UBE2E2: variants seen among roughly 807,000 people sequenced by gnomAD.
UBE2E2 encodes ubiquitin conjugating enzyme E2 E2, also known as ubiquitin-conjugating enzyme E2 E2.
Under a neutral mutation model 24.7 loss-of-function variants are expected in UBE2E2, and 6 were observed. The observed-to-expected ratio is 0.24, with a 90% CI of 0.13 to 0.48. The LOEUF is 0.48. Ranked by LOEUF, UBE2E2 falls within the 20% of genes least tolerant of loss-of-function variation. The pLI is 0.99. For synonymous variants in UBE2E2, 104 were observed against 83.6 expected (o/e 1.24, Z -1.33); for missense variants, 169 against 245.0 (o/e 0.69, Z 2.07).
chr3:23,441,840 T>C (rs1575632066), intron 3 of UBE2E2, among the ~76,000 whole-genome samples: 1 of 152,180 alleles, frequency 6.6e-6, no homozygotes, highest in Non-Finnish European at 1.5e-5. Flanking sequence ...CCAAAAGCAG[T>C]GTCAGAAAAT....
intron 3 of UBE2E2, among the ~76,000 whole-genome samples, chr3:23,328,662 C>CTTTTTTTTTTTTTTTTTTTTTT (rs11433089): frequency 6.9e-6 from 1 of 145,430 alleles, no homozygotes; most frequent in Non-Finnish European, 1.5e-5. Flanking sequence ...CTCTCTCTCT[C>CTTTTTTTTTTTTTTTTTTTTTT]TTTTTTTTTT....
chr3:23,449,031 T>C (rs1698495165), intron 3 of UBE2E2, among the ~76,000 whole-genome samples: 1 of 152,222 alleles, frequency 6.6e-6, no homozygotes, highest in Non-Finnish European at 1.5e-5. Flanking sequence ...AATTGCCCTC[T>C]TACCTAACAG....
intron 3 of UBE2E2, among the ~76,000 whole-genome samples, chr3:23,342,720 T>A (rs1695430790): frequency 6.6e-6 from 1 of 152,208 alleles, no homozygotes; most frequent in African/African-American, 2.4e-5. Context: ...GGAAATACTA[T>A]GGAATATAAA....
chr3:23,552,229 C>T (rs1474760679), intron 5 of UBE2E2, among the ~76,000 whole-genome samples: 1 of 152,200 alleles, frequency 6.6e-6, no homozygotes, highest in Non-Finnish European at 1.5e-5. Context: ...TGGCACCCCC[C>T]TGTAGTCCTA....
At chr3:23,267,480 A>T (rs941916059) in intron 3 of UBE2E2, among the ~76,000 whole-genome samples, 1 of 152,232 alleles carries the variant, frequency 6.6e-6, no homozygotes, top group Non-Finnish European at 1.5e-5. Context: ...TCCTCGACAC[A>T]TACACCATCC....
intron 3 of UBE2E2, among the ~76,000 whole-genome samples, chr3:23,261,446 T>C (rs1178338432): frequency 6.6e-6 from 1 of 152,160 alleles, no homozygotes; most frequent in African/African-American, 2.4e-5. Flanking sequence ...CTTACGTAGT[T>C]ACCAATTTTT....
intron 3 of UBE2E2, among the ~76,000 whole-genome samples, chr3:23,257,540 T>G (rs1443146450): frequency 2.4e-5 from 3 of 124,448 alleles, no homozygotes; most frequent in African/African-American, 8.6e-5. Flanking sequence ...CTTTTTTTTT[T>G]TTTTTTTTTT....
chr3:23,367,478 T>C (rs1243097668), intron 3 of UBE2E2, among the ~76,000 whole-genome samples: 2 of 152,150 alleles, frequency 1.3e-5, no homozygotes, highest in Non-Finnish European at 2.9e-5. Context: ...GAAACCTCCA[T>C]AATAACTCGA....
At chr3:23,323,495 G>A in intron 3 of UBE2E2, 1 of 435,874 alleles carries the variant, frequency 2.3e-6, no homozygotes, top group African/African-American at 2.1e-5. Flanking sequence ...AAAACACTTT[G>A]TAATTCACAA....
chr3:23,271,641 CAG>C (rs774953824), intron 3 of UBE2E2, among the ~76,000 whole-genome samples: 1 of 152,190 alleles, frequency 6.6e-6, no homozygotes, highest in Non-Finnish European at 1.5e-5. Context: ...GAGCTAGACA[CAG>C]AGTGCTGATT....
intron 3 of UBE2E2, among the ~76,000 whole-genome samples, chr3:23,396,107 T>G (rs1226144104): frequency 6.6e-6 from 1 of 151,754 alleles, no homozygotes; most frequent in African/African-American, 2.4e-5. Context: ...TTAATGCATT[T>G]TCTATATTTA....
chr3:23,407,936 A>G lies in UBE2E2; in HGVS notation c.228-91672A>G, dbSNP rs1575610249. Among the ~76,000 whole-genome samples the G allele has an allele frequency of 9.3e-6, 1 of 108,096 alleles. No homozygotes were observed. 70.9% of individuals were successfully genotyped at this position (108,096 alleles called of 152,430 possible). On this transcript the variant is annotated intron_variant, in intron 3 of 5. Transcript: ENST00000396703. This position sits in a 1 kb window ranked among gnomAD's most constrained non-coding sequence, Gnocchi z 4.0. Reference sequence around the variant, plus strand: ...AATTAGTGGGTATTGGAACCTTCTGAAATGAAATACAGATACTTACCTTTA... The same window carrying G: ...AATTAGTGGGTATTGGAACCTTCTGGAATGAAATACAGATACTTACCTTTA...
At chr3:23,348,992 C>A (rs1220260390) in intron 3 of UBE2E2, among the ~76,000 whole-genome samples, 1 of 152,070 alleles carries the variant, frequency 6.6e-6, no homozygotes, top group African/African-American at 2.4e-5. Context: ...CCCTGACCAC[C>A]CCCCCACCAC....
intron 3 of UBE2E2, among the ~76,000 whole-genome samples, chr3:23,294,339 T>A (rs1363065189): frequency 1.3e-5 from 2 of 152,100 alleles, no homozygotes; most frequent in Admixed American, 1.3e-4. Flanking sequence ...TCCTAATGTA[T>A]CTTGTATATA....
At chr3:23,300,381 A>G (rs964429642) in intron 3 of UBE2E2, among the ~76,000 whole-genome samples, 28 of 152,112 alleles carry the variant, frequency 1.8e-4, no homozygotes, top group African/African-American at 6.3e-4. Flanking sequence ...CCTAGCCTTG[A>G]TGGTCTTTAC....
chr3:23,270,412 C>G (rs570781942), intron 3 of UBE2E2, among the ~76,000 whole-genome samples: 1 of 152,104 alleles, frequency 6.6e-6, no homozygotes, highest in Admixed American at 6.6e-5. Flanking sequence ...GAGAGCCCCA[C>G]GGGCCTGGGT....
chr3:23,338,461 A>G (rs1159663955), intron 3 of UBE2E2, among the ~76,000 whole-genome samples: 2 of 152,274 alleles, frequency 1.3e-5, no homozygotes, highest in African/African-American at 2.4e-5. Flanking sequence ...TATGCCTTAT[A>G]TATTTCTTAC....
chr3:23,403,310 C>G (rs1293375705), intron 3 of UBE2E2, among the ~76,000 whole-genome samples: 1 of 152,210 alleles, frequency 6.6e-6, no homozygotes, highest in Non-Finnish European at 1.5e-5. Flanking sequence ...TTCAGTTTCA[C>G]TTCTCCATTA....
At chr3:23,324,262 T>C (rs1340409496) in intron 3 of UBE2E2, among the ~76,000 whole-genome samples, 1 of 152,158 alleles carries the variant, frequency 6.6e-6, no homozygotes, top group Non-Finnish European at 1.5e-5. Flanking sequence ...TCTGTGATTT[T>C]ATAAAATACG....
Sources: gnomAD v4.1 joint callset for allele counts (sites outside exome capture counted in the v4.1 genomes callset) on GRCh38, gnomAD v4.1.1 for gene constraint, Gnocchi (gnomAD v3.1) non-coding constraint, MANE v1.5 for transcripts, NCBI Gene and HGNC (gene_info 2026-07-23, HGNC 2026-07-21) for gene names.